The following SLC20A2 variants were observed in gnomAD, a reference collection of about 807,000 sequenced individuals.
SLC20A2 encodes the protein solute carrier family 20 member 2.
A neutral mutation model predicts 61.0 loss-of-function variants in SLC20A2; 30 were observed. The ratio of observed to expected loss-of-function variants is 0.49; its 90% confidence interval spans 0.37 to 0.67. The LOEUF (loss-of-function observed/expected upper bound fraction) is 0.67. SLC20A2 is among the 30% of genes least tolerant of loss of function. SLC20A2 has a pLI of 0.00. For synonymous variants in SLC20A2, 351 were observed against 353.3 expected (o/e 0.99, Z 0.07); for missense variants, 626 against 866.4 (o/e 0.72, Z 3.48).
At chr8:42,455,241 A>AATATATAT (rs71548582) in intron 5 of SLC20A2, among the ~76,000 whole-genome samples, 18 of 102,596 alleles carry the variant, frequency 1.8e-4, no homozygotes, top group African/African-American at 9.0e-4. Context: ...AAAAAAAAAA[A>AATATATAT]ATATATATAT....
At chr8:42,534,943 A>T (rs1387799096) in intron 1 of SLC20A2, 1 of 152,222 alleles carries the variant, frequency 6.6e-6, no homozygotes, top group Non-Finnish European at 1.5e-5. Flanking sequence ...GTAGTGGAAA[A>T]TAACTTAATA....
At chr8:42,537,215 C>G (rs1463694479) in intron 1 of SLC20A2, among the ~76,000 whole-genome samples, 1 of 151,796 alleles carries the variant, frequency 6.6e-6, no homozygotes, top group Non-Finnish European at 1.5e-5. Flanking sequence ...GAGACCTCAT[C>G]TTTACACAAA....
At chr8:42,511,075 G>T (rs1267073420) in intron 1 of SLC20A2, among the ~76,000 whole-genome samples, 1 of 152,008 alleles carries the variant, frequency 6.6e-6, no homozygotes, top group Non-Finnish European at 1.5e-5. Context: ...ATGCCTGAAA[G>T]GACCCTCAAA....
At chr8:42,448,937 T>C (rs749577642) in intron 5 of SLC20A2, among the ~76,000 whole-genome samples, 17 of 152,154 alleles carry the variant, frequency 1.1e-4, no homozygotes, top group Admixed American at 5.9e-4. Flanking sequence ...CAGCTCCAAA[T>C]TGTACTAAGT....
intron 10 of SLC20A2, among the ~76,000 whole-genome samples, chr8:42,421,396 T>G (rs1025988418): frequency 3.6e-4 from 54 of 151,442 alleles, no homozygotes; most frequent in African/African-American, 1.3e-3. Context: ...ATGGTGGCAG[T>G]TTTTTTCCCT....
In SLC20A2 at chr8:42,417,880, C is replaced by T. The variant is rs200761348; in HGVS notation, c.1882G>A (p.Val628Met). 6.2e-7 allele frequency: 1 copy of T among 1,614,120 alleles called. No homozygotes were observed. The highest frequency in any genetic ancestry group is 8.5e-7 in the Non-Finnish European group (1 of 1,180,016). Residue 628 changes from valine to methionine, a missense_variant, in exon 11 of 11, where the codon GTG (valine) becomes ATG (methionine). This residue lies in a region of SLC20A2 where 138 missense variants were observed against 228.7 expected (regional missense o/e 0.60). Coordinates refer to ENST00000520262, the MANE Select transcript of SLC20A2 (RefSeq NM_001257180.2). ...LFRNIFVAWF[V>M]TVPVAGLFSA... Reference sequence around the variant, plus strand: ...AACAGCCCAGCCACAGGGACGGTCACGAACCAGGCCACGAAGATGTTCCGA... The same window carrying T: ...AACAGCCCAGCCACAGGGACGGTCATGAACCAGGCCACGAAGATGTTCCGA...
rs185122174 is a variant in SLC20A2 at position 42,418,855 on chromosome 8, A to T, written c.1795-888T>A. Reference sequence around the variant, plus strand: ...CTACTAAGAATACCAAAAATTAGCCAGGCGTGGTGGCAGGCGCCTGTAGTC... The same window carrying T: ...CTACTAAGAATACCAAAAATTAGCCTGGCGTGGTGGCAGGCGCCTGTAGTC... On this transcript the variant is annotated intron_variant, in intron 10 of 10. Transcript: ENST00000520262. 4.1e-4 allele frequency among the ~76,000 whole-genome samples: 62 copies of T among 151,826 alleles called. 1 individual carries two copies. The highest frequency in any genetic ancestry group is 1.3e-3 in the African/African-American group (55 of 41,476).
chr8:42,430,061 T>A lies in SLC20A2; in HGVS notation c.1709+3A>T, dbSNP rs1233600805. The A allele has an allele frequency of 6.2e-7, 1 of 1,607,470 alleles. No individual in the cohort carries two copies. Among genetic ancestry groups the A allele is most frequent in the East Asian group, 2.2e-5 (1 of 44,722 alleles). On this transcript the variant is annotated splice_donor_region_variant and intron_variant, in intron 9 of 10. Coordinates refer to ENST00000520262, the MANE Select transcript of SLC20A2 (RefSeq NM_001257180.2). ...CCCTGCTCGTCCACCAGCCCAGGCTTACCTGGACGGCGTGATGGGAGTGAG... is the reference window on the plus strand; with the variant it reads ...CCCTGCTCGTCCACCAGCCCAGGCTAACCTGGACGGCGTGATGGGAGTGAG...
At chr8:42,440,699 T>C (rs1454339868) in intron 6 of SLC20A2, among the ~76,000 whole-genome samples, 2 of 152,236 alleles carry the variant, frequency 1.3e-5, no homozygotes. Flanking sequence ...ACAGTTTCCC[T>C]GTACCATTTG....
At chr8:42,426,020 A>G (rs2130942894) in intron 10 of SLC20A2, among the ~76,000 whole-genome samples, 1 of 152,134 alleles carries the variant, frequency 6.6e-6, no homozygotes, top group Middle Eastern at 3.4e-3. Context: ...TGGGTGACAG[A>G]GCGAGACTCC....
At chr8:42,477,099 T>C (rs984162940) in intron 1 of SLC20A2, among the ~76,000 whole-genome samples, 3 of 152,188 alleles carry the variant, frequency 2.0e-5, no homozygotes, top group Non-Finnish European at 4.4e-5. Flanking sequence ...CGCAGTTCTG[T>C]TCCTCTCTAG....
intron 9 of SLC20A2, 126 bp from the exon 10 acceptor site, chr8:42,428,968 A>G: frequency 2.9e-6 from 2 of 688,582 alleles, no homozygotes; most frequent in Non-Finnish European, 2.3e-6. Context: ...GGGCAAGATC[A>G]ATTTTAACAG....
At chr8:42,541,034 A>G (rs1813087450) in intron 1 of SLC20A2, 1 of 152,182 alleles carries the variant, frequency 6.6e-6, no homozygotes, top group Non-Finnish European at 1.5e-5. Flanking sequence ...CTTTCTTAAG[A>G]GTACACGTGA....
intron 1 of SLC20A2, among the ~76,000 whole-genome samples, chr8:42,497,467 G>A (rs190488732): frequency 2.0e-5 from 3 of 152,152 alleles, no homozygotes; most frequent in Non-Finnish European, 4.4e-5. Context: ...GTTTCCAGGC[G>A]GTGCTGACGC....
At chr8:42,441,187 C>T (rs1188841201) in intron 6 of SLC20A2, among the ~76,000 whole-genome samples, 2 of 149,676 alleles carry the variant, frequency 1.3e-5, no homozygotes, top group African/African-American at 4.9e-5. Context: ...TCTTTTTGCC[C>T]AGGCTAGAGT....
chr8:42,462,018 T>C (rs1185649305), intron 4 of SLC20A2, among the ~76,000 whole-genome samples: 1 of 152,110 alleles, frequency 6.6e-6, no homozygotes, highest in Non-Finnish European at 1.5e-5. Context: ...ACATGCTAAG[T>C]GCCGTGATGG....
At chr8:42,453,487 A>C (rs1805902413) in intron 5 of SLC20A2, among the ~76,000 whole-genome samples, 1 of 152,226 alleles carries the variant, frequency 6.6e-6, no homozygotes, top group South Asian at 2.1e-4. Context: ...GAAGCAGAGG[A>C]AATCAAAACA....
chr8:42,505,961 T>TTTTA (rs10632389), upstream of SLC20A2, among the ~76,000 whole-genome samples: 76,439 of 151,082 alleles, frequency 0.51, 19,339 homozygotes, highest in African/African-American at 0.54. Context: ...ATTCTCTGTA[T>TTTTA]TTTATTTATT....
At chr8:42,526,474 C>T (rs900111063) in intron 1 of SLC20A2, among the ~76,000 whole-genome samples, 2 of 151,870 alleles carry the variant, frequency 1.3e-5, no homozygotes, top group African/African-American at 4.8e-5. Flanking sequence ...GAGATCGAGA[C>T]CCTCCTGGCT....
Sources: allele counts gnomAD v4.1 joint callset (sites outside exome capture counted in the v4.1 genomes callset), GRCh38; gene constraint gnomAD v4.1.1; regional missense constraint gnomAD v4.1.1; transcripts MANE v1.5; gene names NCBI Gene and HGNC (gene_info 2026-07-23, HGNC 2026-07-21).